PCDH15: variants seen among roughly 807,000 people sequenced by gnomAD.
PCDH15 encodes protocadherin-15.
Under a neutral mutation model 178.5 loss-of-function variants are expected in PCDH15, and 129 were observed. That is an observed-to-expected ratio of 0.72 (90% CI 0.63 to 0.84). The LOEUF (loss-of-function observed/expected upper bound fraction) is 0.84, where lower values mean the gene tolerates loss of function less well. PCDH15 is among the 40% of genes least tolerant of loss of function. PCDH15 has a pLI of 0.00. For synonymous variants in PCDH15, 800 were observed against 732.0 expected, an observed-to-expected ratio of 1.09 and a Z score of -1.50; for missense variants, 2,230 against 2,099.9, an observed-to-expected ratio of 1.06 and a Z score of -1.21.
At position 55,454,613 on chromosome 10, in the gene PCDH15, T is replaced by C. The variant is rs550160233; in HGVS notation, c.-156+173012A>G. 4.7e-4 allele frequency among the ~76,000 whole-genome samples: 37 copies of C among 79,294 alleles called. No homozygotes were observed. In the South Asian group the frequency reaches 0.015, roughly 31 times the overall value. The allele number at this position is 79,294 out of a possible 152,430, so 52.0% of individuals were successfully genotyped here. ...TAACACAGTGAAACCCCGTCTCTAC[T>C]AAAAATGCAAAAAAAAAAAAAATTA... On this transcript the variant is annotated intron_variant, in intron 2 of 5. Transcript: ENST00000613346.
intron 21 of PCDH15, among the ~76,000 whole-genome samples, chr10:53,986,773 C>T (rs935632940): frequency 4.6e-5 from 7 of 152,114 alleles, no homozygotes; most frequent in African/African-American, 1.7e-4. Flanking sequence ...CTAAAATAGT[C>T]GTCAAACTCA....
chr10:53,966,876 T>A (rs2660187), intron 21 of PCDH15, among the ~76,000 whole-genome samples: 121,218 of 150,988 alleles, frequency 0.8, 49,151 homozygotes, highest in East Asian at 1. Context: ...TATGTGACAA[T>A]TAAATATTTA....
At chr10:54,954,024 C>G (rs1468881946) in intron 2 of PCDH15, among the ~76,000 whole-genome samples, 1 of 150,976 alleles carries the variant, frequency 6.6e-6, no homozygotes, top group African/African-American at 2.4e-5. Context: ...GGGAGGGAAG[C>G]CAAATATTTA....
intron 1 of PCDH15, among the ~76,000 whole-genome samples, chr10:55,176,180 C>T (rs1035462819): frequency 6.6e-6 from 1 of 152,092 alleles, no homozygotes; most frequent in East Asian, 1.9e-4. Context: ...CCTCTCCAAT[C>T]CAGGCTTCTT....
Position 53,805,932 on chromosome 10 carries a change from G to GACAT in PCDH15, c.*643_*646dup, listed in dbSNP as rs1841122184. The GACAT allele has an allele frequency of 6.6e-6, 1 of 152,034 alleles. No homozygotes were observed. Among genetic ancestry groups the GACAT allele is most frequent in the East Asian group, 1.9e-4 (1 of 5,186 alleles). 9.4% of individuals were successfully genotyped at this position (152,034 alleles called of 1,614,324 possible). ...ATATTGTAAATAATATTGATAAAAA[G>GACAT]ACATACGACTTCAAGTGGTTTCCTA... On this transcript the variant is annotated 3_prime_UTR_variant, in exon 38 of 38. Transcript: ENST00000644397.
chr10:55,362,061 T>C (rs1383409276), intron 2 of PCDH15, among the ~76,000 whole-genome samples: 2 of 152,140 alleles, frequency 1.3e-5, no homozygotes, highest in Non-Finnish European at 2.9e-5. Context: ...AGAAATTAGA[T>C]GCTTATATCA....
At chr10:55,290,477 T>A (rs1268983240) in intron 1 of PCDH15, among the ~76,000 whole-genome samples, 1 of 152,134 alleles carries the variant, frequency 6.6e-6, no homozygotes, top group Non-Finnish European at 1.5e-5. Context: ...TTTTTTATTG[T>A]GTTAAGGAAA....
intron 2 of PCDH15, among the ~76,000 whole-genome samples, chr10:55,427,087 G>A (rs1285877449): frequency 1.3e-5 from 2 of 152,204 alleles, no homozygotes; most frequent in Admixed American, 1.3e-4. Flanking sequence ...TTCGGATTGA[G>A]GGTGGGCCCT....
chr10:54,600,275 T>G, intron 2 of PCDH15: 1 of 539,458 alleles, frequency 1.9e-6, no homozygotes. Context: ...TGGGAGGAAA[T>G]GGGGAATGAG....
At chr10:54,187,714 A>G (rs943046346) in intron 11 of PCDH15, among the ~76,000 whole-genome samples, 6 of 151,886 alleles carry the variant, frequency 4.0e-5, no homozygotes, top group Non-Finnish European at 8.8e-5. Context: ...TACATGGCAT[A>G]TTATAGCTCA....
chr10:54,027,777 T>C (rs1207795590), intron 18 of PCDH15, among the ~76,000 whole-genome samples: 4 of 143,080 alleles, frequency 2.8e-5, no homozygotes, highest in Non-Finnish European at 4.5e-5. Flanking sequence ...TTACACCTTA[T>C]ACAAAAATCA....
intron 2 of PCDH15, among the ~76,000 whole-genome samples, chr10:54,605,246 T>C (rs542638783): frequency 6.6e-6 from 1 of 152,184 alleles, no homozygotes; most frequent in East Asian, 1.9e-4. Flanking sequence ...TTTTATACTT[T>C]TGTATGCTCT....
chr10:55,593,867 C>G (rs1407632910), intron 2 of PCDH15, among the ~76,000 whole-genome samples: 1 of 151,792 alleles, frequency 6.6e-6, no homozygotes, highest in Non-Finnish European at 1.5e-5. Flanking sequence ...ACCCAAAGAT[C>G]TGGATGATTG....
intron 1 of PCDH15, among the ~76,000 whole-genome samples, chr10:54,680,071 T>A (rs2094870763): frequency 6.6e-6 from 1 of 152,210 alleles, no homozygotes. Context: ...TTAGCTTCTT[T>A]ACAGATTTTG....
intron 26 of PCDH15, among the ~76,000 whole-genome samples, chr10:53,886,534 A>T (rs2081105284): frequency 6.7e-6 from 1 of 150,168 alleles, no homozygotes; most frequent in African/African-American, 2.5e-5. Context: ...AGTAATTCCT[A>T]TCATGACTTC....
intron 3 of PCDH15, among the ~76,000 whole-genome samples, chr10:54,837,637 AT>A (rs1370908459): frequency 6.6e-6 from 1 of 152,158 alleles, no homozygotes; most frequent in African/African-American, 2.4e-5. Flanking sequence ...GTAAATTAAA[AT>A]GTAGTCAAAA....
chr10:54,171,466 G>T (rs2046899226), intron 13 of PCDH15, among the ~76,000 whole-genome samples: 1 of 152,052 alleles, frequency 6.6e-6, no homozygotes, highest in African/African-American at 2.4e-5. Flanking sequence ...AGCAACTTAA[G>T]ACTGTGCCCC....
chr10:54,013,468 C>A (rs913694826), intron 20 of PCDH15, among the ~76,000 whole-genome samples: 1 of 152,270 alleles, frequency 6.6e-6, no homozygotes. Flanking sequence ...CTTCTCATCA[C>A]CACATGGCAC....
chr10:55,385,896 TA>T (rs1837648992), intron 2 of PCDH15, among the ~76,000 whole-genome samples: 1 of 151,316 alleles, frequency 6.6e-6, no homozygotes. Context: ...TATCTATATC[TA>T]CACATATATC....
Sources: allele counts gnomAD v4.1 joint callset (sites outside exome capture counted in the v4.1 genomes callset), GRCh38; gene constraint gnomAD v4.1.1; transcripts MANE v1.5; gene names NCBI Gene and HGNC (gene_info 2026-07-23, HGNC 2026-07-21).